Variants in EYA4 observed in about 807,000 individuals in gnomAD.
The protein encoded by EYA4 is protein phosphatase EYA4.
EYA4 carries 31 observed loss-of-function variants against 87.9 expected under a neutral mutation model. The observed-to-expected ratio is 0.35, with a 90% CI of 0.27 to 0.48. The LOEUF (loss-of-function observed/expected upper bound fraction) is 0.48. Among genes scored for constraint, EYA4 ranks in the 20% least tolerant of loss-of-function variants. The pLI is 0.99. For synonymous variants in EYA4, 263 were observed against 270.6 expected (o/e 0.97, Z 0.28); for missense variants, 678 against 761.4 (o/e 0.89, Z 1.29).
At chr6:133,424,728 G>A (rs915653853) in intron 3 of EYA4, among the ~76,000 whole-genome samples, 3 of 144,244 alleles carry the variant, frequency 2.1e-5, no homozygotes, top group Non-Finnish European at 4.4e-5. Context: ...TCAGGTGGCT[G>A]CAGCTGCACC....
chr6:133,274,144 G>A (rs75642324), intron 1 of EYA4, among the ~76,000 whole-genome samples: 3,840 of 152,174 alleles, frequency 0.025, 129 homozygotes, highest in African/African-American at 0.082. Flanking sequence ...TCTCACCATA[G>A]TGTATTACTA....
At chr6:133,508,353 A>G (rs1263707240) in intron 14 of EYA4, among the ~76,000 whole-genome samples, 3 of 152,026 alleles carry the variant, frequency 2.0e-5, no homozygotes, top group Non-Finnish European at 4.4e-5. Flanking sequence ...TTATATATAT[A>G]TATCTGGTAA....
chr6:133,462,494 G>A lies in EYA4; in HGVS notation c.580+17G>A. On this transcript the variant is annotated intron_variant, in intron 8 of 19. Transcript: ENST00000355286. ...CCACTTACGGTATTTCACATCTTCT[G>A]TTTTCTTCTTTGGTTATAGGCAGGT... 6.2e-7 allele frequency: 1 copy of A among 1,613,036 alleles called. No homozygotes were observed. The highest frequency in any genetic ancestry group is 8.5e-7 in the Non-Finnish European group (1 of 1,179,870).
rs115723946 is a variant in EYA4 at position 133,527,739 on chromosome 6, A to G, written c.1840-986A>G. Among the ~76,000 whole-genome samples the G allele has an allele frequency of 8.9e-3, 1,357 of 152,300 alleles. 21 individuals carry two copies. The highest frequency in any genetic ancestry group is 0.029 in the African/African-American group (1,207 of 41,558). On this transcript the variant is annotated intron_variant, in intron 19 of 19. Coordinates refer to ENST00000355286, the MANE Select transcript of EYA4 (RefSeq NM_004100.5). ...ATATAGCAATAAGGATTATTATGCT[A>G]CTTAGTTCTTAAATAAAATATCTTT...
At chr6:133,474,214 CCATTTGTGTACT>C (rs1795524850) in intron 11 of EYA4, among the ~76,000 whole-genome samples, 1 of 151,764 alleles carries the variant, frequency 6.6e-6, no homozygotes. Flanking sequence ...AGAATGAAAC[CCATTTGTGTACT>C]CAGATACGGT....
chr6:133,299,236 GAC>G (rs1455481947), intron 2 of EYA4, among the ~76,000 whole-genome samples: 1 of 152,166 alleles, frequency 6.6e-6, no homozygotes, highest in Non-Finnish European at 1.5e-5. Flanking sequence ...TGTGCAATTT[GAC>G]ACACAGTTTT....
chr6:133,364,360 T>G (rs1784697546), intron 2 of EYA4, among the ~76,000 whole-genome samples: 1 of 152,184 alleles, frequency 6.6e-6, no homozygotes, highest in Non-Finnish European at 1.5e-5. Context: ...GCAATGGGAA[T>G]CAAGCTGCTG....
At chr6:133,519,419 C>CAT (rs984721152) in intron 17 of EYA4, among the ~76,000 whole-genome samples, 2 of 139,530 alleles carry the variant, frequency 1.4e-5, no homozygotes, top group African/African-American at 6.0e-5. Flanking sequence ...TTCCTCGACA[C>CAT]ATACACTCTC....
At chr6:133,306,120 G>A (rs1372449040) in intron 2 of EYA4, among the ~76,000 whole-genome samples, 7 of 152,120 alleles carry the variant, frequency 4.6e-5, no homozygotes, top group Non-Finnish European at 8.8e-5. Flanking sequence ...TTCCTTTTCT[G>A]TCCGATGTAG....
intron 1 of EYA4, among the ~76,000 whole-genome samples, chr6:133,270,728 T>C (rs1735640659): frequency 6.6e-6 from 1 of 152,170 alleles, no homozygotes; most frequent in Admixed American, 6.5e-5. Context: ...TAGTTTCCCA[T>C]TGACCTTAAT....
intron 2 of EYA4, among the ~76,000 whole-genome samples, chr6:133,302,767 T>G (rs944470255): frequency 2.6e-5 from 4 of 152,228 alleles, no homozygotes; most frequent in Non-Finnish European, 5.9e-5. Context: ...ATAAATTTAT[T>G]TTTATTAAAT....
chr6:133,400,913 G>T (rs2128514374), intron 3 of EYA4, among the ~76,000 whole-genome samples: 1 of 152,230 alleles, frequency 6.6e-6, no homozygotes, highest in Non-Finnish European at 1.5e-5. Context: ...CATATGAGCA[G>T]CTTTGATTTT....
At chr6:133,285,066 G>A (rs1366825000) in intron 2 of EYA4, among the ~76,000 whole-genome samples, 3 of 150,086 alleles carry the variant, frequency 2.0e-5, no homozygotes, top group Admixed American at 7.0e-5. Context: ...GCGCGAGCTC[G>A]GCTCACTGCA....
intron 11 of EYA4, among the ~76,000 whole-genome samples, chr6:133,477,059 A>C (rs1057128210): frequency 8.5e-5 from 13 of 152,048 alleles, no homozygotes; most frequent in African/African-American, 3.1e-4. Flanking sequence ...CCTTGTGAAG[A>C]AGGTGCCTTG....
chr6:133,438,950 G>T (rs1353541366), intron 3 of EYA4, among the ~76,000 whole-genome samples: 1 of 147,874 alleles, frequency 6.8e-6, no homozygotes, highest in Admixed American at 6.9e-5. Context: ...GCTGAGGCAG[G>T]AGAATGGTGT....
At chr6:133,361,905 A>T (rs1784476296) in intron 2 of EYA4, among the ~76,000 whole-genome samples, 1 of 152,200 alleles carries the variant, frequency 6.6e-6, no homozygotes, top group Non-Finnish European at 1.5e-5. Context: ...GTTTTTGACA[A>T]TCTAACAGTC....
Position 133,321,337 on chromosome 6 carries a change from G to T in EYA4, c.33+46524G>T, listed in dbSNP as rs112199897. 5.7e-4 allele frequency among the ~76,000 whole-genome samples: 87 copies of T among 152,236 alleles called. No individual in the cohort carries two copies. In the Middle Eastern group the frequency reaches 0.014, roughly 24 times the overall value. ...AACTTTTATATCTCCAAATAGGGTT[G>T]CCTTGTCTTTATGTGCAGTCCCCTT... is the stretch of plus-strand genomic sequence containing the variant. On this transcript the variant is annotated intron_variant, in intron 2 of 19. Transcript: ENST00000355286.
chr6:133,479,224 A>G (rs918021699), intron 11 of EYA4, among the ~76,000 whole-genome samples: 1 of 152,188 alleles, frequency 6.6e-6, no homozygotes, highest in Non-Finnish European at 1.5e-5. Context: ...ATGTTCAGAC[A>G]TCTAAAGACT....
At chr6:133,350,438 G>T (rs540195090) in intron 2 of EYA4, among the ~76,000 whole-genome samples, 50 of 152,230 alleles carry the variant, frequency 3.3e-4, no homozygotes, top group African/African-American at 1.2e-3. Context: ...GTTGATGAGG[G>T]TATGTTTGAA....
Sources: allele counts gnomAD v4.1 joint callset (sites outside exome capture counted in the v4.1 genomes callset), GRCh38; gene constraint gnomAD v4.1.1; transcripts MANE v1.5; gene names NCBI Gene and HGNC (gene_info 2026-07-23, HGNC 2026-07-21).